Variants in COL4A4 observed in about 807,000 individuals in gnomAD.
The protein encoded by COL4A4 is collagen alpha-4(IV) chain.
COL4A4 carries 105 observed loss-of-function variants against 192.9 expected under a neutral mutation model. That is an observed-to-expected ratio of 0.54 (90% confidence interval 0.46 to 0.64). COL4A4 has a LOEUF of 0.64. COL4A4 is among the 30% of genes least tolerant of loss of function. The pLI, the probability that COL4A4 is intolerant of heterozygous loss-of-function variation, is 0.00. For missense variants in COL4A4, 1,967 were observed against 2,169.3 expected (o/e 0.91, Z 1.85); for synonymous variants, 762 against 769.9 (o/e 0.99, Z 0.17).
intron 9 of COL4A4, among the ~76,000 whole-genome samples, chr2:227,110,446 A>C (rs7426188): frequency 0.2 from 30,323 of 150,470 alleles, 4,925 homozygotes; most frequent in African/African-American, 0.45. Flanking sequence ...TGCAGTGGTG[A>C]GATCTTGGCT....
intron 2 of COL4A4, among the ~76,000 whole-genome samples, chr2:227,147,055 G>A (rs1320319330): frequency 6.6e-6 from 1 of 152,138 alleles, no homozygotes; most frequent in African/African-American, 2.4e-5. Context: ...TGGAGGGCTG[G>A]GGGTGTTATT....
intron 37 of COL4A4, among the ~76,000 whole-genome samples, chr2:227,034,909 T>C (rs1424360995): frequency 1.3e-5 from 2 of 151,928 alleles, no homozygotes; most frequent in Non-Finnish European, 1.5e-5. Flanking sequence ...TCATTTTTTA[T>C]GGCTGCATAG....
rs1325700088 is a variant in COL4A4, at chr2:227,043,429, T to C, written c.3290-245A>G. Among the ~76,000 whole-genome samples the C allele has an allele frequency of 2.0e-5, 3 of 152,364 alleles. No homozygotes were observed. The East Asian group carries it at 5.8e-4, about 29-fold the overall frequency. ...TACCCACAATTTTATATTCTGGTTTTTAAAATTAGTGTTGTATCATAAGTA... is the reference window on the plus strand; with the variant it reads ...TACCCACAATTTTATATTCTGGTTTCTAAAATTAGTGTTGTATCATAAGTA... On this transcript the variant is annotated intron_variant, in intron 35 of 47. Coordinates refer to ENST00000396625, the MANE Select transcript of COL4A4 (RefSeq NM_000092.5).
chr2:227,052,273 T>C lies in COL4A4; in HGVS notation c.2968+32A>G, dbSNP rs779419015. The C allele has an allele frequency of 3.2e-6, 4 of 1,259,388 alleles. No individual in the cohort carries two copies. The South Asian group carries it at 3.6e-5, about 11-fold the overall frequency. The allele number at this position is 1,259,388 out of a possible 1,614,324, so 78.0% of individuals were successfully genotyped here. ...TGTGATCTGTAAAAATGTCAACTTA[T>C]TTGATATGGTTAAAAACTCTTAAGT... On this transcript the variant is annotated intron_variant, in intron 32 of 47. Transcript: ENST00000396625.
downstream of COL4A4, chr2:226,998,509 T>C (rs368809695): frequency 7.2e-5 from 11 of 152,280 alleles, no homozygotes; most frequent in East Asian, 1.5e-3. Context: ...ATTCAATTAG[T>C]CAAAAAATAT....
chr2:227,065,296 T>C (rs1196494687), intron 25 of COL4A4, among the ~76,000 whole-genome samples: 2 of 152,128 alleles, frequency 1.3e-5, no homozygotes, highest in Admixed American at 6.5e-5. Flanking sequence ...GCAGCGAGGC[T>C]GGGGGAGGGG....
chr2:227,000,356 C>T (rs544925026), downstream of COL4A4, among the ~76,000 whole-genome samples: 48 of 152,338 alleles, frequency 3.2e-4, no homozygotes, highest in African/African-American at 1.1e-3. Flanking sequence ...CGCACAAGTG[C>T]ATTTTACACC....
chr2:226,992,874 C>T, the COL4A4 span, among the ~76,000 whole-genome samples: 1 of 152,196 alleles, frequency 6.6e-6, no homozygotes, highest in African/African-American at 2.4e-5. Context: ...AGATGTGTCC[C>T]TAACACCTTC....
At chr2:227,052,162 GC>G (rs1974259280) in intron 32 of COL4A4, 142 bp downstream of exon 32, 1 of 605,664 alleles carries the variant, frequency 1.7e-6, no homozygotes, top group Non-Finnish European at 3.0e-6. Context: ...CTGCACTCCA[GC>G]CTGGGCGACA....
chr2:227,141,841 C>T (rs977996815), intron 3 of COL4A4, among the ~76,000 whole-genome samples: 5 of 151,570 alleles, frequency 3.3e-5, no homozygotes, highest in Admixed American at 6.6e-5. Flanking sequence ...GGGCCCAGGT[C>T]GGGACAGCAT....
chr2:226,984,055 A>G, the COL4A4 span, among the ~76,000 whole-genome samples: 1 of 152,184 alleles, frequency 6.6e-6, no homozygotes, highest in South Asian at 2.1e-4. Context: ...GTCTCCGGCA[A>G]TTATGAAGCC....
rs746195437 is a variant in COL4A4, at chr2:227,111,660, C to T, written c.594+18G>A. 2.5e-6 allele frequency: 4 copies of T among 1,613,564 alleles called. No homozygotes were observed. The African/African-American group carries it at 4.0e-5, about 16-fold the overall frequency. ...TTGAGGAGGAAATAGAAGCATAGAG[C>T]CTGCTCAGGAGACTTACTGGTAAGC... On this transcript the variant is annotated intron_variant, in intron 9 of 47. Coordinates refer to ENST00000396625, the MANE Select transcript of COL4A4 (RefSeq NM_000092.5).
intron 20 of COL4A4, among the ~76,000 whole-genome samples, chr2:227,091,257 T>TATAG (rs1157059636): frequency 7.1e-6 from 1 of 141,274 alleles, no homozygotes; most frequent in African/African-American, 3.0e-5. Context: ...CAGATATAGA[T>TATAG]ATAGATATAG....
At chr2:227,098,673 G>A (rs755593743) in intron 19 of COL4A4, 21 bp downstream of exon 19, 3 of 1,593,916 alleles carry the variant, frequency 1.9e-6, no homozygotes, top group Non-Finnish European at 2.6e-6. Flanking sequence ...TAAAAGCCAG[G>A]GCACATCAGG....
intron 30 of COL4A4, among the ~76,000 whole-genome samples, chr2:227,055,245 T>C (rs1278419947): frequency 6.6e-6 from 1 of 151,968 alleles, no homozygotes; most frequent in East Asian, 1.9e-4. Flanking sequence ...TTGGGCACGG[T>C]GACTCAGACC....
downstream of COL4A4, among the ~76,000 whole-genome samples, chr2:227,002,089 G>A (rs1286903427): frequency 1.3e-5 from 2 of 149,480 alleles, no homozygotes; most frequent in Non-Finnish European, 3.0e-5. Flanking sequence ...AGGATCATTC[G>A]AGCCTGCGAG....
intron 3 of COL4A4, 64 bp from the exon 4 acceptor site, chr2:227,140,302 T>C (rs2063114697): frequency 3.0e-6 from 4 of 1,342,018 alleles, no homozygotes; most frequent in South Asian, 2.4e-5. Flanking sequence ...GCATAACACA[T>C]ACATTATAAC....
intron 23 of COL4A4, among the ~76,000 whole-genome samples, 187 bp from the exon 24 acceptor site, chr2:227,080,736 T>C (rs56025687): frequency 6.6e-6 from 1 of 152,024 alleles, no homozygotes; most frequent in Non-Finnish European, 1.5e-5. Flanking sequence ...AACCATTGAA[T>C]CTCTTTACTT....
chr2:227,120,943 A>AG lies in COL4A4; in HGVS notation c.327+70_327+71insC, dbSNP rs1054460561. 6.9e-6 allele frequency: 11 copies of AG among 1,605,130 alleles called. No homozygotes were observed. In the Admixed American group the frequency reaches 1.5e-4, roughly 22 times the overall value. ...GACAGAGTAAGACTGTCTAAAAAAAACAAAAACAAAAAATGGTGCAGTAGT... is the reference window on the plus strand; with the variant it reads ...GACAGAGTAAGACTGTCTAAAAAAAAGCAAAAACAAAAAATGGTGCAGTAGT... On this transcript the variant is annotated intron_variant, in intron 5 of 47. Coordinates refer to ENST00000396625, the MANE Select transcript of COL4A4 (RefSeq NM_000092.5).
Sources: gnomAD v4.1 joint callset for allele counts (sites outside exome capture counted in the v4.1 genomes callset) on GRCh38, gnomAD v4.1.1 for gene constraint, MANE v1.5 for transcripts, NCBI Gene and HGNC (gene_info 2026-07-23, HGNC 2026-07-21) for gene names.